TULP4: variants seen among roughly 807,000 people sequenced by gnomAD.
TULP4 encodes the protein tubby-related protein 4.
In TULP4, 16 loss-of-function variants were observed where a neutral mutation model predicts 129.0. The ratio of observed to expected loss-of-function variants is 0.12; its 90% CI spans 0.08 to 0.19. The LOEUF is 0.19. Among genes scored for constraint, TULP4 ranks in the 10% least tolerant of loss-of-function variants. The probability of loss-of-function intolerance (pLI) is 1.00; values close to 1 mark genes in which losing one functional copy is unlikely to be tolerated. For missense variants in TULP4, 1,842 were observed against 2,059.1 expected (o/e 0.89, Z 2.04); for synonymous variants, 998 against 854.0 (o/e 1.17, Z -2.94).
chr6:158,284,408 A>C (rs1244007973), intron 1 of TULP4, among the ~76,000 whole-genome samples: 2 of 152,210 alleles, frequency 1.3e-5, no homozygotes, highest in Non-Finnish European at 2.9e-5. Flanking sequence ...GAAAGAAAGA[A>C]ATGCAAATCC....
rs559279656 is a variant in TULP4 at position 158,393,174 on chromosome 6, C to T, written c.253-19891C>T. ...AAAGCTCCAAAATAATCTCCTTTGA[C>T]TCCATGTCTCATATCCAGGGCATGC... On this transcript the variant is annotated intron_variant, in intron 1 of 13. Transcript: ENST00000367097. Among the ~76,000 whole-genome samples, 14 of 152,344 alleles carry T rather than the reference C, an allele frequency of 9.2e-5. No individual in the cohort carries two copies. In the East Asian group the frequency reaches 1.9e-3, roughly 21 times the overall value.
At chr6:158,236,067 A>G (rs1233107762) in intron 1 of TULP4, among the ~76,000 whole-genome samples, 1 of 152,092 alleles carries the variant, frequency 6.6e-6, no homozygotes, top group Non-Finnish European at 1.5e-5. Context: ...TTTCCCAGCT[A>G]ATGTTGTAGT....
chr6:158,240,867 G>A (rs111604530), intron 1 of TULP4, among the ~76,000 whole-genome samples: 24,618 of 148,492 alleles, frequency 0.17, 2,485 homozygotes, highest in Non-Finnish European at 0.23. Context: ...CCTCCCTCCC[G>A]GACGGGGTGG....
chr6:158,279,375 C>A (rs1036221301), upstream of TULP4, among the ~76,000 whole-genome samples: 1 of 152,140 alleles, frequency 6.6e-6, no homozygotes, highest in Non-Finnish European at 1.5e-5. Flanking sequence ...TGCTTTAGTA[C>A]GTCTTTATGA....
At chr6:158,364,818 G>C (rs1417996114) in intron 1 of TULP4, among the ~76,000 whole-genome samples, 1 of 152,074 alleles carries the variant, frequency 6.6e-6, no homozygotes, top group Non-Finnish European at 1.5e-5. Flanking sequence ...CTCACTGCAA[G>C]CTCTGCCTCC....
intron 1 of TULP4, among the ~76,000 whole-genome samples, chr6:158,408,659 C>G (rs966925034): frequency 1.3e-5 from 2 of 152,096 alleles, no homozygotes; most frequent in African/African-American, 2.4e-5. Context: ...TGACGAGGCC[C>G]GGAGTCAGAG....
At chr6:158,447,833 GT>G (rs567367780) in intron 3 of TULP4, among the ~76,000 whole-genome samples, 39 of 152,340 alleles carry the variant, frequency 2.6e-4, no homozygotes, top group African/African-American at 8.7e-4. Flanking sequence ...TTGCTCGTGT[GT>G]TTGTAAATTG....
chr6:158,469,394 C>T (rs1276978424), intron 6 of TULP4, among the ~76,000 whole-genome samples: 1 of 151,986 alleles, frequency 6.6e-6, no homozygotes, highest in Non-Finnish European at 1.5e-5. Flanking sequence ...CCACCTCTGT[C>T]TCCCGAGTAG....
In TULP4 at chr6:158,503,791, C is replaced by T. The variant is rs367835715; in HGVS notation, c.4128C>T (p.His1376=). ...TTAATTCCCTAATCTCCAGCCCACA[C>T]CTGGGGAGAGAGAAGAAGAAAGTGA... ...SDFNSLISSP[H]LGREKKKVKS... Residue 1376 remains histidine (H), a synonymous_variant, in exon 13 of 14, where the codon CAC becomes CAT. Transcript: ENST00000367097. This position sits in a 1 kb window ranked among gnomAD's most constrained non-coding sequence, Gnocchi z 4.3. The T allele has an allele frequency of 4.4e-5, 71 of 1,613,976 alleles. No homozygotes were observed. Among genetic ancestry groups the T allele is most frequent in the Non-Finnish European group, 5.6e-5 (66 of 1,180,030 alleles).
intron 1 of TULP4, among the ~76,000 whole-genome samples, chr6:158,401,997 A>T (rs1427679102): frequency 6.6e-6 from 1 of 152,180 alleles, no homozygotes; most frequent in Non-Finnish European, 1.5e-5. Context: ...AAGTGCTGGA[A>T]AGGTCTTAGA....
Position 158,509,293 on chromosome 6 carries a change from T to C in TULP4, c.*2599T>C, listed in dbSNP as rs1582891653. 6.6e-6 allele frequency: 1 copy of C among 152,012 alleles called. No homozygotes were observed. Among genetic ancestry groups the C allele is most frequent in the African/African-American group, 2.4e-5 (1 of 41,540 alleles). 9.4% of individuals were successfully genotyped at this position (152,012 alleles called of 1,614,324 possible). ...TTTGTATTTTGTGTTATTGATTATATACAAAGGAGACTTTTTTTTTGAGAT... is the reference window on the plus strand; with the variant it reads ...TTTGTATTTTGTGTTATTGATTATACACAAAGGAGACTTTTTTTTTGAGAT... On this transcript the variant is annotated 3_prime_UTR_variant, in exon 14 of 14. Coordinates refer to ENST00000367097, the MANE Select transcript of TULP4 (RefSeq NM_020245.5).
intron 6 of TULP4, among the ~76,000 whole-genome samples, chr6:158,465,269 G>T (rs1369374321): frequency 6.6e-6 from 1 of 152,146 alleles, no homozygotes; most frequent in East Asian, 1.9e-4. Flanking sequence ...ATTTTTTTCT[G>T]ACTGGCTTAT....
chr6:158,471,008 A>G (rs1034424213), intron 6 of TULP4, among the ~76,000 whole-genome samples: 5 of 152,224 alleles, frequency 3.3e-5, no homozygotes, highest in African/African-American at 1.2e-4. Flanking sequence ...GTCTTTGGGG[A>G]AAAAAGAAGA....
At chr6:158,284,640 A>G (rs1778807410) in intron 1 of TULP4, among the ~76,000 whole-genome samples, 1 of 152,110 alleles carries the variant, frequency 6.6e-6, no homozygotes, top group Non-Finnish European at 1.5e-5. Context: ...TAATGGCAAA[A>G]CATTATGTGG....
intron 3 of TULP4, among the ~76,000 whole-genome samples, chr6:158,436,812 T>C (rs1778763686): frequency 6.6e-6 from 1 of 152,242 alleles, no homozygotes; most frequent in Non-Finnish European, 1.5e-5. Context: ...TCTTGGCACA[T>C]GCAGTACTAG....
chr6:158,298,799 G>A lies in TULP4; in HGVS notation n.117-13252G>A, dbSNP rs550514570. Among the ~76,000 whole-genome samples, 4 of 152,334 alleles carry A rather than the reference G, an allele frequency of 2.6e-5. No individual in the cohort carries two copies. In the South Asian group the frequency reaches 8.3e-4, roughly 32 times the overall value. On this transcript the variant is annotated intron_variant and non_coding_transcript_variant, in intron 1 of 1. Transcript: ENST00000432358. ...TTGAGTCTACGTTGATACTGAGGGA[G>A]AGGAGCGGCAGTGGCAATGCCCAAT...
chr6:158,292,193 G>A (rs956711375), intron 1 of TULP4, among the ~76,000 whole-genome samples: 1 of 152,180 alleles, frequency 6.6e-6, no homozygotes, highest in African/African-American at 2.4e-5. Context: ...GTGTGACTCA[G>A]GTTCAGCCTC....
chr6:158,335,124 A>T (rs1780002510), intron 1 of TULP4, among the ~76,000 whole-genome samples: 2 of 152,042 alleles, frequency 1.3e-5, no homozygotes, highest in South Asian at 4.2e-4. Flanking sequence ...AAAAATACAA[A>T]AAATTAGCAG....
At chr6:158,299,234 A>G (rs1176224354) in intron 1 of TULP4, among the ~76,000 whole-genome samples, 1 of 152,176 alleles carries the variant, frequency 6.6e-6, no homozygotes, top group Non-Finnish European at 1.5e-5. Flanking sequence ...TCATCCCAAT[A>G]AGAAATATAA....
Sources: gnomAD v4.1 joint callset for allele counts (sites outside exome capture counted in the v4.1 genomes callset) on GRCh38, gnomAD v4.1.1 for gene constraint, Gnocchi (gnomAD v3.1) non-coding constraint, MANE v1.5 for transcripts, NCBI Gene and HGNC (gene_info 2026-07-23, HGNC 2026-07-21) for gene names.